The following DLGAP2 variants were observed in gnomAD, a reference collection of about 807,000 sequenced individuals.
The protein encoded by DLGAP2 is disks large-associated protein 2.
A neutral mutation model predicts 100.3 loss-of-function variants in DLGAP2; 26 were observed. That is an observed-to-expected ratio of 0.26 (90% CI 0.19 to 0.36). The LOEUF (loss-of-function observed/expected upper bound fraction) is 0.36. Among genes scored for constraint, DLGAP2 ranks in the 10% least tolerant of loss-of-function variants. DLGAP2 has a pLI of 1.00. For synonymous variants in DLGAP2, 886 were observed against 630.1 expected, an observed-to-expected ratio of 1.41 and a Z score of -6.08; for missense variants, 1,858 against 1,453.2, an observed-to-expected ratio of 1.28 and a Z score of -4.53.
rs1797832247 is a variant in DLGAP2, at chr8:1,199,874, G to A, written c.74-58977G>A. 2.0e-5 allele frequency among the ~76,000 whole-genome samples: 3 copies of A among 152,254 alleles called. No homozygotes were observed. The South Asian group carries it at 6.2e-4, about 32-fold the overall frequency. On this transcript the variant is annotated intron_variant, in intron 2 of 14. Transcript: ENST00000637795. ...CTGGAATCATCGGCTGTGTCACTGG[G>A]TGGAGAGTGTGATCTCTACACCGCC...
At chr8:845,807 C>G (rs1448697028) in intron 1 of DLGAP2, among the ~76,000 whole-genome samples, 2 of 152,110 alleles carry the variant, frequency 1.3e-5, no homozygotes, top group African/African-American at 2.4e-5. Context: ...ACATTTAGGT[C>G]TTTGATCCAT....
chr8:1,324,688 C>T (rs996456603), intron 3 of DLGAP2, among the ~76,000 whole-genome samples: 1 of 152,244 alleles, frequency 6.6e-6, no homozygotes, highest in African/African-American at 2.4e-5. Context: ...ATGTCCTTTT[C>T]AGCCATTTCA....
intron 2 of DLGAP2, among the ~76,000 whole-genome samples, chr8:1,208,991 G>T (rs899571315): frequency 6.6e-6 from 1 of 152,036 alleles, no homozygotes; most frequent in Non-Finnish European, 1.5e-5. Context: ...ACTGATGAAA[G>T]AAATCATAGA....
chr8:1,520,220 C>A (rs189217726), intron 4 of DLGAP2, among the ~76,000 whole-genome samples: 1 of 152,184 alleles, frequency 6.6e-6, no homozygotes, highest in Non-Finnish European at 1.5e-5. Flanking sequence ...AGGAGAAGAA[C>A]AGCTGCAGGC....
At chr8:1,625,171 T>G (rs909683747) in intron 6 of DLGAP2, among the ~76,000 whole-genome samples, 3 of 152,230 alleles carry the variant, frequency 2.0e-5, no homozygotes, top group Non-Finnish European at 2.9e-5. Flanking sequence ...CTAACATCTA[T>G]AGACATTTTT....
At chr8:922,092 G>A (rs936887944) in intron 2 of DLGAP2, among the ~76,000 whole-genome samples, 1 of 152,228 alleles carries the variant, frequency 6.6e-6, no homozygotes, top group African/African-American at 2.4e-5. Flanking sequence ...TGGGAGAAAC[G>A]GCTCCTTGTT....
At chr8:920,597 A>G (rs572426425) in intron 2 of DLGAP2, among the ~76,000 whole-genome samples, 62 of 152,042 alleles carry the variant, frequency 4.1e-4, no homozygotes, top group Non-Finnish European at 8.2e-4. Context: ...CTCTACTAAA[A>G]ACAATTAGCC....
chr8:1,234,369 C>G (rs1305890523), intron 2 of DLGAP2, among the ~76,000 whole-genome samples: 1 of 152,160 alleles, frequency 6.6e-6, no homozygotes, highest in African/African-American at 2.4e-5. Context: ...CTCCTAATTC[C>G]TGGCCATTCC....
intron 1 of DLGAP2, among the ~76,000 whole-genome samples, chr8:811,777 G>A (rs375072226): frequency 6.6e-6 from 1 of 152,380 alleles, no homozygotes; most frequent in South Asian, 2.1e-4. Context: ...CGTGGTGAGA[G>A]GCCACCAGCT....
At chr8:846,080 G>A (rs1380427492) in intron 1 of DLGAP2, among the ~76,000 whole-genome samples, 1 of 152,170 alleles carries the variant, frequency 6.6e-6, no homozygotes, top group Non-Finnish European at 1.5e-5. Flanking sequence ...TGCATAATGG[G>A]TAAATAAGGG....
chr8:1,239,998 A>G (rs1354556943), intron 2 of DLGAP2, among the ~76,000 whole-genome samples: 53 of 146,108 alleles, frequency 3.6e-4, no homozygotes, highest in African/African-American at 1.2e-3. Flanking sequence ...TCTCTCTCAC[A>G]CAGAGCATCG....
rs150285346 is a variant in DLGAP2, at chr8:1,482,374, C to T, written c.107-18992C>T. 2.7e-3 allele frequency among the ~76,000 whole-genome samples: 417 copies of T among 152,342 alleles called. 5 individuals carry two copies. Among genetic ancestry groups the T allele is most frequent in the African/African-American group, 9.4e-3 (392 of 41,582 alleles). ...ATCTCCACCCTCTGTCTGTTGTGGTCAGTTCATGTGTCTTTACACTAGAAA... is the reference window on the plus strand; with the variant it reads ...ATCTCCACCCTCTGTCTGTTGTGGTTAGTTCATGTGTCTTTACACTAGAAA... On this transcript the variant is annotated intron_variant, in intron 3 of 14. Coordinates refer to ENST00000637795, the MANE Select transcript of DLGAP2 (RefSeq NM_001346810.2).
chr8:1,164,244 T>C (rs1438152730), intron 2 of DLGAP2, among the ~76,000 whole-genome samples: 26 of 148,660 alleles, frequency 1.7e-4, no homozygotes, highest in Non-Finnish European at 1.8e-4. Context: ...CAGATTTTTC[T>C]GTGAGCCCCC....
At chr8:1,416,906 C>G (rs971349425) in intron 3 of DLGAP2, among the ~76,000 whole-genome samples, 3 of 152,120 alleles carry the variant, frequency 2.0e-5, no homozygotes, top group African/African-American at 7.2e-5. Flanking sequence ...CTCAGACTTG[C>G]AAAGAATGCG....
At position 1,678,514 on chromosome 8, in the gene DLGAP2, G is replaced by T; in HGVS notation, c.2589G>T (p.Pro863=). The change falls in exon 12 of 15, where the codon CCG becomes CCT. Residue 863 remains proline (P), a synonymous_variant. Coordinates refer to ENST00000637795, the MANE Select transcript of DLGAP2 (RefSeq NM_001346810.2). Reference sequence around the variant, plus strand: ...CGGTAGAGACTGGGAGGATGTCTCCGTGCCGCAGGGATGGCTCGTGGTTTT... The same window carrying T: ...CGGTAGAGACTGGGAGGATGTCTCCTTGCCGCAGGGATGGCTCGTGGTTTT... ...IDTVETGRMS[P]CRRDGSWFLK... The T allele has an allele frequency of 6.2e-7, 1 of 1,608,736 alleles. No homozygotes were observed. The highest frequency in any genetic ancestry group is 8.5e-7 in the Non-Finnish European group (1 of 1,177,572).
At chr8:1,369,887 G>A (rs137871038) in intron 3 of DLGAP2, 11 of 152,276 alleles carry the variant, frequency 7.2e-5, no homozygotes, top group East Asian at 1.9e-4. Flanking sequence ...GGAAGACGCC[G>A]TCCTGGGGCG....
intron 1 of DLGAP2, among the ~76,000 whole-genome samples, chr8:883,724 C>T (rs910505587): frequency 6.6e-6 from 1 of 152,064 alleles, no homozygotes; most frequent in Admixed American, 6.5e-5. Context: ...CCGTTCGTTA[C>T]GTAGGAGCGC....
At chr8:1,275,066 C>A (rs1455061896) in intron 3 of DLGAP2, among the ~76,000 whole-genome samples, 1 of 152,096 alleles carries the variant, frequency 6.6e-6, no homozygotes, top group African/African-American at 2.4e-5. Flanking sequence ...GGTGAAGGCT[C>A]CAGCCCAGGC....
chr8:1,479,000 T>G (rs1325757810), intron 3 of DLGAP2, among the ~76,000 whole-genome samples: 1 of 152,242 alleles, frequency 6.6e-6, no homozygotes, highest in African/African-American at 2.4e-5. Context: ...CATGTTAATT[T>G]ATTAGCATTT....
Sources: gnomAD v4.1 joint callset for allele counts (sites outside exome capture counted in the v4.1 genomes callset) on GRCh38, gnomAD v4.1.1 for gene constraint, MANE v1.5 for transcripts, NCBI Gene and HGNC (gene_info 2026-07-23, HGNC 2026-07-21) for gene names.